LOC122539214: variants seen among roughly 807,000 people sequenced by gnomAD.
the LOC122539214 span, among the ~76,000 whole-genome samples, chr19:52,685,810 A>G: frequency 6.6e-6 from 1 of 151,990 alleles, no homozygotes; most frequent in Middle Eastern, 3.4e-3. Flanking sequence ...AAGCAGGAGA[A>G]TCACTTAAAT....
the LOC122539214 span, chr19:52,660,844 C>T: frequency 5.7e-6 from 1 of 176,356 alleles, no homozygotes; most frequent in Admixed American, 5.8e-5. Context: ...GAAATTAATT[C>T]TGTGTGAGAA....
the LOC122539214 span, among the ~76,000 whole-genome samples, chr19:52,676,995 G>T: frequency 6.9e-6 from 1 of 145,250 alleles, no homozygotes; most frequent in Non-Finnish European, 1.5e-5. Flanking sequence ...ACTGCGGAAG[G>T]CCGCAGGGTC....
chr19:52,672,463 T>C, the LOC122539214 span, among the ~76,000 whole-genome samples: 2 of 152,144 alleles, frequency 1.3e-5, no homozygotes, highest in Non-Finnish European at 2.9e-5. Flanking sequence ...AAAAGCATAA[T>C]GTCGTCAGGC....
chr19:52,651,541 G>A, the LOC122539214 span: 1 of 152,490 alleles, frequency 6.6e-6, no homozygotes, highest in East Asian at 1.9e-4. Flanking sequence ...GGGACTATGT[G>A]GTGTGGTGGC....
chr19:52,661,926 C>A, the LOC122539214 span, among the ~76,000 whole-genome samples: 1 of 152,058 alleles, frequency 6.6e-6, no homozygotes, highest in Non-Finnish European at 1.5e-5. Flanking sequence ...AGTCCTAGGC[C>A]GAGGGACAGC....
the LOC122539214 span, among the ~76,000 whole-genome samples, chr19:52,689,682 C>T: frequency 1.3e-4 from 20 of 152,108 alleles, no homozygotes; most frequent in Non-Finnish European, 2.6e-4. Flanking sequence ...CCTCACCCAT[C>T]CTCTACTTTG....
chr19:52,682,818 G>C, the LOC122539214 span, among the ~76,000 whole-genome samples: 3,111 of 152,266 alleles, frequency 0.02, 95 homozygotes, highest in African/African-American at 0.07. Flanking sequence ...CTGTAAACTA[G>C]AATTTTGCCA....
the LOC122539214 span, among the ~76,000 whole-genome samples, chr19:52,653,614 G>A: frequency 1.3e-5 from 2 of 150,952 alleles, no homozygotes; most frequent in Admixed American, 6.6e-5. Context: ...AAGGGATGAC[G>A]TCTGACTGAA....
At chr19:52,671,908 G>C in the LOC122539214 span, among the ~76,000 whole-genome samples, 4 of 152,076 alleles carry the variant, frequency 2.6e-5, no homozygotes, top group Non-Finnish European at 5.9e-5. Context: ...AAGTTATTCC[G>C]TTTTACTTGG....
chr19:52,676,655 G>A, the LOC122539214 span, among the ~76,000 whole-genome samples: 1 of 143,426 alleles, frequency 7.0e-6, no homozygotes, highest in Non-Finnish European at 1.6e-5. Flanking sequence ...AACGGGCCAG[G>A]ATGACAATGG....
the LOC122539214 span, among the ~76,000 whole-genome samples, chr19:52,658,964 G>C: frequency 1.6e-4 from 25 of 152,204 alleles, no homozygotes; most frequent in Non-Finnish European, 3.1e-4. Flanking sequence ...AATGCCTGGA[G>C]TGCGAGCTGC....
chr19:52,667,007 C>T, the LOC122539214 span, among the ~76,000 whole-genome samples: 18 of 152,090 alleles, frequency 1.2e-4, no homozygotes, highest in Non-Finnish European at 2.2e-4. Flanking sequence ...AGGAAGGAGG[C>T]CACCTATACC....
chr19:52,663,050 C>A, the LOC122539214 span, among the ~76,000 whole-genome samples: 2 of 151,988 alleles, frequency 1.3e-5, no homozygotes, highest in Non-Finnish European at 2.9e-5. Context: ...GTGGTCCCAG[C>A]TATTTGGGAG....
the LOC122539214 span, chr19:52,652,607 A>G: frequency 2.3e-6 from 1 of 443,448 alleles, no homozygotes; most frequent in Non-Finnish European, 4.5e-6. Context: ...AGCTATGAAC[A>G]ATGTCTGAAA....
chr19:52,686,660 A>C, the LOC122539214 span, among the ~76,000 whole-genome samples: 307 of 152,026 alleles, frequency 2.0e-3, 1 homozygote, highest in Non-Finnish European at 3.8e-3. Flanking sequence ...TGCAACCTCT[A>C]CCTCCCAGGT....
At chr19:52,657,787 C>T in the LOC122539214 span, among the ~76,000 whole-genome samples, 2 of 150,748 alleles carry the variant, frequency 1.3e-5, no homozygotes, top group Non-Finnish European at 1.5e-5. Flanking sequence ...GTGGAGGTTG[C>T]AGTGAGCCGA....
At chr19:52,651,695 AAAAAAAAAGAAAGAAAGAAAAG>A in the LOC122539214 span, 1 of 158,012 alleles carries the variant, frequency 6.3e-6, no homozygotes, top group African/African-American at 2.4e-5. Flanking sequence ...AAAAAAAAAA[AAAAAAAAAGAAAGAAAGAAAAG>A]AAAAGAAAGA....
chr19:52,668,530 GC>G, the LOC122539214 span, among the ~76,000 whole-genome samples: 13 of 152,074 alleles, frequency 8.5e-5, no homozygotes, highest in African/African-American at 3.1e-4. Flanking sequence ...TTTAGGGTGT[GC>G]TTTTTTCTCC....
At chr19:52,652,176 T>C in the LOC122539214 span, 3 of 225,426 alleles carry the variant, frequency 1.3e-5, no homozygotes, top group Non-Finnish European at 2.6e-5. Flanking sequence ...TGGTGGCTCA[T>C]GCCTGTAATA....
Sources: gnomAD v4.1 joint callset for allele counts (sites outside exome capture counted in the v4.1 genomes callset) on GRCh38, gnomAD v4.1.1 for gene constraint, MANE v1.5 for transcripts.